Variants in NIPBL observed in about 807,000 individuals in gnomAD.
NIPBL encodes the protein NIPBL cohesin loading factor.
NIPBL carries 19 observed loss-of-function variants against 321.8 expected under a neutral mutation model. The observed-to-expected ratio is 0.06, with a 90% CI of 0.04 to 0.09. The LOEUF is 0.09. NIPBL is among the 10% of genes least tolerant of loss of function. The pLI, the probability that NIPBL is intolerant of heterozygous loss-of-function variation, is 1.00. For missense variants in NIPBL, 2,210 were observed against 3,327.0 expected, an observed-to-expected ratio of 0.66 and a Z score of 8.26; for synonymous variants, 1,106 against 1,114.1, an observed-to-expected ratio of 0.99 and a Z score of 0.14.
At chr5:37,060,745 C>A in intron 44 of NIPBL, 99 bp from the exon 45 acceptor site, 1 of 1,021,432 alleles carries the variant, frequency 9.8e-7, no homozygotes, top group Non-Finnish European at 1.4e-6. Flanking sequence ...ACATGAGAAA[C>A]TAATTTCATT....
At chr5:36,958,016 C>T (rs1017007970) in intron 3 of NIPBL, 88 bp from the exon 4 acceptor site, 2 of 1,305,420 alleles carry the variant, frequency 1.5e-6, no homozygotes, top group East Asian at 2.4e-5. Flanking sequence ...TATTGTTGGC[C>T]ATACCAGTGT....
At chr5:37,025,706 G>A (rs1157806167) in intron 30 of NIPBL, among the ~76,000 whole-genome samples, 4 of 152,030 alleles carry the variant, frequency 2.6e-5, no homozygotes. Context: ...TGCTTGAGGC[G>A]ATGGATACCC....
At chr5:37,062,023 G>C (rs1483484616) in intron 45 of NIPBL, among the ~76,000 whole-genome samples, 1 of 152,074 alleles carries the variant, frequency 6.6e-6, no homozygotes, top group Non-Finnish European at 1.5e-5. Flanking sequence ...TGTATTTTTA[G>C]TAGAGATGGG....
intron 1 of NIPBL, among the ~76,000 whole-genome samples, chr5:36,952,053 T>TGTGTGTGC (rs778597604): frequency 0.034 from 3,795 of 111,900 alleles, 97 homozygotes; most frequent in East Asian, 0.044. Context: ...TGTGTGTGTG[T>TGTGTGTGC]GCGCGCGCGC....
Position 37,027,475 on chromosome 5 carries a change from T to G in NIPBL, c.5862+63T>G, listed in dbSNP as rs752383457. 937 of 467,910 alleles carry G rather than the reference T, an allele frequency of 2.0e-3. 1 individual carries two copies. Among genetic ancestry groups the G allele is most frequent in the Non-Finnish European group, 2.8e-3 (870 of 307,690 alleles). 29.0% of individuals were successfully genotyped at this position (467,910 alleles called of 1,614,324 possible). A position where few individuals can be genotyped will look rare whatever the true frequency, so the allele number is the denominator to read the frequency against. On this transcript the variant is annotated intron_variant, in intron 32 of 46. Transcript: ENST00000282516. Reference sequence around the variant, plus strand: ...ATAGGTTAGTTTTTTGTTGTTGGTGTTTTTTTTTTTTTGGACTGTATGATT... The same window carrying G: ...ATAGGTTAGTTTTTTGTTGTTGGTGGTTTTTTTTTTTTGGACTGTATGATT...
At chr5:36,925,534 G>A (rs933584447) in intron 1 of NIPBL, among the ~76,000 whole-genome samples, 1 of 151,674 alleles carries the variant, frequency 6.6e-6, no homozygotes, top group Non-Finnish European at 1.5e-5. Flanking sequence ...CCAAAGTTCT[G>A]GTATTAAAGG....
chr5:36,888,579 A>G (rs1746090114), intron 1 of NIPBL, among the ~76,000 whole-genome samples: 1 of 152,170 alleles, frequency 6.6e-6, no homozygotes, highest in African/African-American at 2.4e-5. Flanking sequence ...ACAGAAAACT[A>G]AAGAAATGCT....
At position 37,037,409 on chromosome 5, in the gene NIPBL, G is replaced by GTA. The variant is rs759202070; in HGVS notation, c.5971+938_5971+939dup. Among the ~76,000 whole-genome samples, 1,249 of 140,192 alleles carry GTA rather than the reference G, an allele frequency of 8.9e-3. 13 individuals are homozygous for GTA. The highest frequency in any genetic ancestry group is 0.019 in the African/African-American group (715 of 37,858). 92.0% of individuals were successfully genotyped at this position (140,192 alleles called of 152,430 possible). Reference sequence around the variant, plus strand: ...TCTCAAAAAATATATATATATATATGTATATATATATATATATGTATATAT... The same window carrying GTA: ...TCTCAAAAAATATATATATATATATGTATATATATATATATATATGTATATAT... On this transcript the variant is annotated intron_variant, in intron 33 of 46. Transcript: ENST00000282516.
chr5:37,003,787 T>G (rs562394100), intron 16 of NIPBL, among the ~76,000 whole-genome samples: 59 of 152,314 alleles, frequency 3.9e-4, no homozygotes, highest in African/African-American at 1.2e-3. Context: ...AACTTCACTT[T>G]TAGTAATTCA....
In NIPBL at chr5:37,007,278, A is replaced by T. The variant is rs749609991; in HGVS notation, c.4088-45A>T. 9.0e-6 allele frequency: 14 copies of T among 1,550,306 alleles called. No homozygotes were observed. In the East Asian group the frequency reaches 3.2e-4, roughly 35 times the overall value. On this transcript the variant is annotated intron_variant, in intron 17 of 46. Transcript: ENST00000282516. ...GTTTGAGTACTGTTTATTAAAAATTATTAAAAGTTGATGTTTTCCTTATCT... is the reference window on the plus strand; with the variant it reads ...GTTTGAGTACTGTTTATTAAAAATTTTTAAAAGTTGATGTTTTCCTTATCT...
chr5:36,911,979 T>C (rs1306130522), intron 1 of NIPBL, among the ~76,000 whole-genome samples: 1 of 152,138 alleles, frequency 6.6e-6, no homozygotes, highest in African/African-American at 2.4e-5. Context: ...TTGAAGACTT[T>C]TAAGAGGGGA....
At chr5:36,883,386 C>CT (rs1172194988) in intron 1 of NIPBL, among the ~76,000 whole-genome samples, 1 of 151,758 alleles carries the variant, frequency 6.6e-6, no homozygotes, top group African/African-American at 2.4e-5. Context: ...ACTTTTGCCT[C>CT]TCCTGAGAAA....
chr5:37,008,269 G>A (rs1330490464), intron 19 of NIPBL, among the ~76,000 whole-genome samples, 181 bp downstream of exon 19: 1 of 151,922 alleles, frequency 6.6e-6, no homozygotes, highest in Non-Finnish European at 1.5e-5. Flanking sequence ...TTTCTGTTTG[G>A]TTAATTTGTT....
intron 34 of NIPBL, among the ~76,000 whole-genome samples, chr5:37,043,017 T>C (rs534143776): frequency 1.3e-5 from 2 of 151,870 alleles, no homozygotes; most frequent in Non-Finnish European, 2.9e-5. Context: ...TACCTTTTGG[T>C]TTTTTTTAAA....
intron 40 of NIPBL, chr5:37,051,468 G>A: frequency 5.8e-6 from 2 of 344,294 alleles, no homozygotes; most frequent in Non-Finnish European, 1.1e-5. Context: ...TTATACATTT[G>A]TAGTCTATAT....
At chr5:36,976,456 G>T in intron 9 of NIPBL, 54 bp downstream of exon 9, 1 of 1,583,394 alleles carries the variant, frequency 6.3e-7, no homozygotes, top group Non-Finnish European at 8.5e-7. Context: ...TGTAATTATA[G>T]TGTCAAAAAT....
intron 1 of NIPBL, among the ~76,000 whole-genome samples, chr5:36,917,389 C>T (rs951939419): frequency 4.6e-5 from 7 of 152,046 alleles, no homozygotes; most frequent in African/African-American, 1.7e-4. Context: ...TGGATATTAG[C>T]CCTTTGTCAG....
chr5:36,933,755 G>T (rs538890049), intron 1 of NIPBL, among the ~76,000 whole-genome samples: 2 of 152,008 alleles, frequency 1.3e-5, no homozygotes, highest in East Asian at 3.9e-4. Flanking sequence ...AATCTTCCTT[G>T]CTCCTTCATC....
intron 1 of NIPBL, among the ~76,000 whole-genome samples, chr5:36,941,639 T>G (rs1014702092): frequency 3.9e-5 from 6 of 152,140 alleles, no homozygotes; most frequent in Non-Finnish European, 7.4e-5. Flanking sequence ...CATGGTCATT[T>G]GATTCTGTTT....
Sources: gnomAD v4.1 joint callset for allele counts (sites outside exome capture counted in the v4.1 genomes callset) on GRCh38, gnomAD v4.1.1 for gene constraint, MANE v1.5 for transcripts, NCBI Gene and HGNC (gene_info 2026-07-23, HGNC 2026-07-21) for gene names.